The following LHCGR variants were observed in gnomAD, a reference collection of about 807,000 sequenced individuals.
The protein encoded by LHCGR is luteinizing hormone/choriogonadotropin receptor.
Under a neutral mutation model 60.7 loss-of-function variants are expected in LHCGR, and 55 were observed. The ratio of observed to expected loss-of-function variants is 0.91; its 90% confidence interval spans 0.73 to 1.13. The LOEUF (loss-of-function observed/expected upper bound fraction) is 1.13. LHCGR is among the 50% of genes most tolerant of loss of function. LHCGR has a pLI of 0.00. For missense variants in LHCGR, 862 were observed against 836.0 expected (o/e 1.03, Z -0.38); for synonymous variants, 337 against 316.5 (o/e 1.06, Z -0.69).
At chr2:48,725,893 T>C in intron 3 of LHCGR, 143 bp from the exon 4 acceptor site, 3 of 685,394 alleles carry the variant, frequency 4.4e-6, no homozygotes, top group Non-Finnish European at 2.7e-6. Flanking sequence ...GGAGGACCCC[T>C]AGCGACTCTG....
At chr2:48,755,136 G>C (rs768945221) in intron 1 of LHCGR, among the ~76,000 whole-genome samples, 1 of 151,964 alleles carries the variant, frequency 6.6e-6, no homozygotes, top group African/African-American at 2.4e-5. Context: ...GCTGGCCCAA[G>C]GCTCAAAGGC....
At chr2:48,731,493 G>T (rs572183237) in intron 1 of LHCGR, among the ~76,000 whole-genome samples, 195 bp from the exon 2 acceptor site, 1 of 152,282 alleles carries the variant, frequency 6.6e-6, no homozygotes, top group East Asian at 1.9e-4. Context: ...CTTTATCAAA[G>T]AGTGTATAAT....
chr2:48,727,437 T>C (rs1290403952), intron 3 of LHCGR, among the ~76,000 whole-genome samples: 1 of 152,180 alleles, frequency 6.6e-6, no homozygotes, highest in Non-Finnish European at 1.5e-5. Context: ...AGCATGCTAG[T>C]CTTAGGACCT....
At chr2:48,723,380 A>G in intron 6 of LHCGR, 76 bp downstream of exon 6, 1 of 1,035,528 alleles carries the variant, frequency 9.7e-7, no homozygotes, top group South Asian at 1.3e-5. Flanking sequence ...AAAACATGAG[A>G]AAAAGCTCAC....
chr2:48,754,548 G>T (rs1361329967), intron 1 of LHCGR, among the ~76,000 whole-genome samples: 2 of 151,392 alleles, frequency 1.3e-5, no homozygotes, highest in East Asian at 3.9e-4. Context: ...TTTTTAATAT[G>T]TTCACACGCA....
chr2:48,749,850 C>T (rs1178890854), intron 1 of LHCGR, among the ~76,000 whole-genome samples: 2 of 152,008 alleles, frequency 1.3e-5, no homozygotes, highest in Non-Finnish European at 1.5e-5. Flanking sequence ...TTTGGGAACT[C>T]TGTTGCTTGT....
intron 8 of LHCGR, among the ~76,000 whole-genome samples, chr2:48,702,665 A>G (rs903088454): frequency 6.6e-6 from 1 of 152,098 alleles, no homozygotes; most frequent in African/African-American, 2.4e-5. Context: ...TCTATTATTG[A>G]TGGACATTTG....
chr2:48,737,224 A>G (rs991563953), intron 1 of LHCGR, among the ~76,000 whole-genome samples: 1 of 152,224 alleles, frequency 6.6e-6, no homozygotes, highest in African/African-American at 2.4e-5. Context: ...TATTGATTTA[A>G]GAAAGCTACA....
chr2:48,699,483 T>G (rs1403446244), intron 8 of LHCGR, among the ~76,000 whole-genome samples: 1 of 151,942 alleles, frequency 6.6e-6, no homozygotes, highest in East Asian at 1.9e-4. Flanking sequence ...AGCCAGCACA[T>G]GCAGTTACAT....
At chr2:48,751,347 G>A (rs746580489) in intron 1 of LHCGR, among the ~76,000 whole-genome samples, 99 of 152,246 alleles carry the variant, frequency 6.5e-4, no homozygotes, top group South Asian at 1.2e-3. Context: ...AGCCTGGGAA[G>A]AATTTATTCA....
At chr2:48,710,726 C>T (rs1262948844) in intron 7 of LHCGR, among the ~76,000 whole-genome samples, 1 of 152,198 alleles carries the variant, frequency 6.6e-6, no homozygotes, top group Admixed American at 6.5e-5. Flanking sequence ...GGGCCACCTT[C>T]TGCGGCTGCC....
intron 8 of LHCGR, chr2:48,708,729 C>T (rs190235419): frequency 1.2e-3 from 741 of 603,416 alleles, no homozygotes; most frequent in Non-Finnish European, 1.8e-3. Context: ...GGACATCTAG[C>T]TTCCAGAACC....
At chr2:48,742,518 A>G (rs1336876998) in intron 1 of LHCGR, among the ~76,000 whole-genome samples, 2 of 152,052 alleles carry the variant, frequency 1.3e-5, no homozygotes, top group Non-Finnish European at 2.9e-5. Context: ...CAATCAAACT[A>G]GAACTCAGGA....
At chr2:48,714,079 G>C (rs1187978380) in intron 6 of LHCGR, 25 bp from the exon 7 acceptor site, 1 of 1,547,554 alleles carries the variant, frequency 6.5e-7, no homozygotes, top group Non-Finnish European at 8.9e-7. Context: ...AGAGGGTTTA[G>C]GAATGGGAAG....
At chr2:48,722,807 T>A (rs1253275589) in intron 6 of LHCGR, among the ~76,000 whole-genome samples, 1 of 152,226 alleles carries the variant, frequency 6.6e-6, no homozygotes, top group Admixed American at 6.5e-5. Context: ...GAGAATGGAC[T>A]TATACACCAG....
chr2:48,698,874 C>G, intron 8 of LHCGR, 74 bp from the exon 9 acceptor site: 1 of 1,292,236 alleles, frequency 7.7e-7, no homozygotes, highest in South Asian at 1.3e-5. Context: ...CGGAGTCTTG[C>G]TCCGTCGCCC....
In LHCGR at chr2:48,688,458, C is replaced by T. The variant is rs1680020433; in HGVS notation, c.1339G>A (p.Val447Ile). The T allele has an allele frequency of 1.9e-6, 3 of 1,614,092 alleles. No individual in the cohort carries two copies. The East Asian group carries it at 6.7e-5, about 36-fold the overall frequency. ...TAGACAGAAAGTTCACTTGCGAATA[C>T]AGTGAAAAAGCCAGCAGTGCTGCAC... The part of the protein sequence containing the change: ...SGCSTAGFFT[V>I]FASELSVYTL... Residue 447 changes from valine (V) to isoleucine (I), a missense_variant, in exon 11 of 11, where the codon GTA becomes ATA. Physicochemically the swap from Val to Ile is conservative, Grantham distance 29 (BLOSUM62 3). Transcript: ENST00000294954. This position sits in a 1 kb window ranked among gnomAD's most constrained non-coding sequence, Gnocchi z 5.2.
chr2:48,725,538 A>G (rs1668679560), intron 4 of LHCGR, 138 bp downstream of exon 4: 3 of 701,024 alleles, frequency 4.3e-6, no homozygotes, highest in Non-Finnish European at 7.6e-6. Context: ...TTAAATTTAA[A>G]TCAGAAGGCT....
chr2:48,699,534 T>C (rs1362694538), intron 8 of LHCGR, among the ~76,000 whole-genome samples: 1 of 152,220 alleles, frequency 6.6e-6, no homozygotes, highest in South Asian at 2.1e-4. Flanking sequence ...ATTCAGGGCT[T>C]CAGATGCCTC....
Sources: allele counts gnomAD v4.1 joint callset (sites outside exome capture counted in the v4.1 genomes callset), GRCh38; gene constraint gnomAD v4.1.1; non-coding constraint Gnocchi (gnomAD v3.1); transcripts MANE v1.5; gene names NCBI Gene and HGNC (gene_info 2026-07-23, HGNC 2026-07-21).